RUFY4: variants seen among roughly 807,000 people sequenced by gnomAD.
The protein encoded by RUFY4 is RUN and FYVE domain-containing protein 4.
A neutral mutation model predicts 69.0 loss-of-function variants in RUFY4; 73 were observed. That is an observed-to-expected ratio of 1.06 (90% CI 0.88 to 1.29). The LOEUF (loss-of-function observed/expected upper bound fraction) is 1.29, where lower values mean the gene tolerates loss of function less well. RUFY4 is among the 50% of genes most tolerant of loss of function. The pLI, the probability that RUFY4 is intolerant of heterozygous loss-of-function variation, is 0.00. For missense variants in RUFY4, 770 were observed against 705.6 expected (o/e 1.09, Z -1.03); for synonymous variants, 287 against 271.8 (o/e 1.06, Z -0.55).
At chr2:218,042,981 C>A (rs1688735030) in intron 2 of RUFY4, among the ~76,000 whole-genome samples, 1 of 152,148 alleles carries the variant, frequency 6.6e-6, no homozygotes, top group Non-Finnish European at 1.5e-5. Context: ...TGGCTGGAAA[C>A]CTCTGTGGCC....
At chr2:218,045,075 GT>G (rs1205373836) in intron 2 of RUFY4, among the ~76,000 whole-genome samples, 1 of 152,146 alleles carries the variant, frequency 6.6e-6, no homozygotes, top group Non-Finnish European at 1.5e-5. Context: ...GTGTATAAGT[GT>G]TCCTTTTTCT....
intron 3 of RUFY4, chr2:218,060,262 C>T: frequency 1.5e-6 from 2 of 1,335,150 alleles, no homozygotes; most frequent in Non-Finnish European, 1.0e-6. Flanking sequence ...CCAAGAAGAG[C>T]TAGTGGACAT....
chr2:218,072,989 C>A, intron 4 of RUFY4, 104 bp downstream of exon 6: 1 of 1,038,048 alleles, frequency 9.6e-7, no homozygotes, highest in Non-Finnish European at 1.4e-6. Flanking sequence ...CTATCAAGGA[C>A]AGTTACAATG....
At chr2:218,068,108 A>AGCAGGGGACTGGAGGAGG (rs561325038), upstream of RUFY4, among the ~76,000 whole-genome samples, 1 of 131,318 alleles carries the variant, frequency 7.6e-6, no homozygotes, top group Admixed American at 7.6e-5. Context: ...GCTGGAGGAC[A>AGCAGGGGACTGGAGGAGG]GCAGGGGACT....
chr2:218,060,061 TTTTCA>T, intron 3 of RUFY4: 3 of 273,046 alleles, frequency 1.1e-5, no homozygotes, highest in South Asian at 1.2e-4. Flanking sequence ...GGAGTGTAGA[TTTTCA>T]CTTCTTAGAA....
exon 7 of RUFY4, chr2:218,075,291 G>C: frequency 6.2e-7 from 1 of 1,602,556 alleles, no homozygotes; most frequent in Non-Finnish European, 8.5e-7. Context: ...GAGCATGTGG[G>C]AGCCAGAAGG....
intron 8 of RUFY4, among the ~76,000 whole-genome samples, chr2:218,082,013 G>C (rs1056546127): frequency 2.0e-5 from 3 of 152,192 alleles, no homozygotes; most frequent in African/African-American, 7.2e-5. Context: ...GGACTCTCAC[G>C]CATGCCACCT....
upstream of RUFY4, among the ~76,000 whole-genome samples, chr2:218,067,389 G>A (rs974634729): frequency 7.9e-5 from 12 of 152,194 alleles, no homozygotes; most frequent in South Asian, 2.1e-4. Context: ...CCAGATGTCC[G>A]GGTAGCCACT....
At chr2:218,061,156 C>A in intron 3 of RUFY4, 2 of 442,390 alleles carry the variant, frequency 4.5e-6, no homozygotes, top group South Asian at 3.7e-5. Flanking sequence ...AGGCCAGGGT[C>A]AGCAGGTAGA....
At chr2:218,047,012 A>G (rs1446645240) in intron 2 of RUFY4, among the ~76,000 whole-genome samples, 1 of 151,552 alleles carries the variant, frequency 6.6e-6, no homozygotes, top group African/African-American at 2.4e-5. Context: ...AATGATTTCA[A>G]AGGCAAACAC....
At chr2:218,088,968 CCTCT>C (rs36011581) in intron 9 of RUFY4, among the ~76,000 whole-genome samples, 6 of 149,602 alleles carry the variant, frequency 4.0e-5, no homozygotes, top group Admixed American at 2.0e-4. Context: ...TCTCTCCACC[CCTCT>C]CTCTCTCTCT....
chr2:218,039,677 TG>T (rs1461375469), intron 2 of RUFY4, among the ~76,000 whole-genome samples: 2 of 152,126 alleles, frequency 1.3e-5, no homozygotes, highest in Non-Finnish European at 1.5e-5. Flanking sequence ...ATTACTGAGA[TG>T]GGGGGAGCAG....
chr2:218,047,077 A>G (rs1452797749), intron 2 of RUFY4, among the ~76,000 whole-genome samples: 2 of 151,116 alleles, frequency 1.3e-5, no homozygotes, highest in Admixed American at 1.3e-4. Context: ...CTCTTTTAGT[A>G]TTGAAAAGAT....
chr2:218,038,120 T>C (rs1357226962), intron 2 of RUFY4, among the ~76,000 whole-genome samples: 2 of 152,220 alleles, frequency 1.3e-5, no homozygotes, highest in East Asian at 3.8e-4. Flanking sequence ...TGGAAATTCT[T>C]ACCCAGTCCA....
chr2:218,088,020 T>G (rs1003682496), intron 9 of RUFY4, among the ~76,000 whole-genome samples: 16 of 152,116 alleles, frequency 1.1e-4, no homozygotes, highest in Non-Finnish European at 2.2e-4. Context: ...TTACTTAAAT[T>G]TGGAAGTAAT....
intron 2 of RUFY4, among the ~76,000 whole-genome samples, chr2:218,038,675 G>A (rs1020119418): frequency 1.3e-5 from 2 of 152,130 alleles, no homozygotes; most frequent in African/African-American, 2.4e-5. Context: ...AAAACATAGC[G>A]GGTGAGGGGT....
chr2:218,072,653 C>A, intron 3 of RUFY4, 126 bp from the exon 6 acceptor site: 1 of 1,313,118 alleles, frequency 7.6e-7, no homozygotes, highest in Non-Finnish European at 1.0e-6. Flanking sequence ...CACCCTTTTC[C>A]TCCCATGGCC....
intron 7 of RUFY4, among the ~76,000 whole-genome samples, 166 bp from the exon 10 acceptor site, chr2:218,076,261 A>C (rs920618667): frequency 6.6e-6 from 1 of 152,248 alleles, no homozygotes; most frequent in Non-Finnish European, 1.5e-5. Context: ...AGGCACACCC[A>C]GAAGCAGGGC....
upstream of RUFY4, chr2:218,070,471 A>C (rs554368040): frequency 2.6e-6 from 2 of 767,742 alleles, no homozygotes; most frequent in East Asian, 2.7e-5. Flanking sequence ...TTGCTATGTC[A>C]CCCAAGATTA....
Sources: gnomAD v4.1 joint callset for allele counts (sites outside exome capture counted in the v4.1 genomes callset) on GRCh38, gnomAD v4.1.1 for gene constraint, MANE v1.5 for transcripts, NCBI Gene and HGNC (gene_info 2026-07-23, HGNC 2026-07-21) for gene names.